SYT9: variants seen among roughly 807,000 people sequenced by gnomAD.
The protein encoded by SYT9 is synaptotagmin-9.
SYT9 carries 22 observed loss-of-function variants against 48.4 expected under a neutral mutation model. That is an observed-to-expected ratio of 0.45 (90% CI 0.32 to 0.65). The LOEUF is 0.65. Ranked by LOEUF, SYT9 falls within the 30% of genes least tolerant of loss-of-function variation. The probability of loss-of-function intolerance (pLI) is 0.03; values close to 1 mark genes in which losing one functional copy is unlikely to be tolerated. For synonymous variants in SYT9, 265 were observed against 245.0 expected (o/e 1.08, Z -0.76); for missense variants, 577 against 622.0 (o/e 0.93, Z 0.77).
chr11:7,304,548 G>A (rs1162370191), intron 2 of SYT9, among the ~76,000 whole-genome samples: 5 of 152,096 alleles, frequency 3.3e-5, no homozygotes, highest in African/African-American at 7.2e-5. Context: ...TATGTTAATC[G>A]AGTTTATCCT....
chr11:7,422,913 T>G (rs1414241300), intron 6 of SYT9, among the ~76,000 whole-genome samples: 3 of 152,218 alleles, frequency 2.0e-5, no homozygotes, highest in Non-Finnish European at 4.4e-5. Flanking sequence ...ACCTGAGAGA[T>G]ATTCCTCAAA....
intron 1 of SYT9, among the ~76,000 whole-genome samples, chr11:7,239,637 C>T (rs1002566329): frequency 6.6e-6 from 1 of 152,072 alleles, no homozygotes; most frequent in African/African-American, 2.4e-5. Context: ...GCAACCAATA[C>T]AGTCTGCTTT....
intron 1 of SYT9, among the ~76,000 whole-genome samples, chr11:7,254,334 G>T (rs1396402817): frequency 6.6e-6 from 1 of 152,158 alleles, no homozygotes; most frequent in Non-Finnish European, 1.5e-5. Flanking sequence ...GGGTTTTCGA[G>T]TGCAAGGTGA....
chr11:7,360,580 G>A (rs141269812), intron 3 of SYT9, among the ~76,000 whole-genome samples: 7,435 of 151,862 alleles, frequency 0.049, 274 homozygotes, highest in Middle Eastern at 0.075. Context: ...CCCTTGTAAG[G>A]TGGATTCCTA....
chr11:7,248,733 A>G (rs1360632592), upstream of SYT9, among the ~76,000 whole-genome samples: 2 of 152,228 alleles, frequency 1.3e-5, no homozygotes, highest in Non-Finnish European at 2.9e-5. Context: ...GATAGAATTA[A>G]TATTGTGAAA....
intron 1 of SYT9, among the ~76,000 whole-genome samples, chr11:7,242,320 C>T (rs1349513274): frequency 6.6e-6 from 1 of 152,096 alleles, no homozygotes; most frequent in African/African-American, 2.4e-5. Flanking sequence ...TGTGCTTTTC[C>T]CTGGACCCAT....
chr11:7,335,624 T>A (rs1291452455), intron 3 of SYT9, among the ~76,000 whole-genome samples: 3 of 152,212 alleles, frequency 2.0e-5, no homozygotes, highest in Non-Finnish European at 4.4e-5. Flanking sequence ...GCTCCATTCA[T>A]GTTCCTCCAG....
At position 7,308,106 on chromosome 11, in the gene SYT9, T is replaced by A. The variant is rs182025115; in HGVS notation, c.497+4716T>A. On this transcript the variant is annotated intron_variant, in intron 2 of 6. Coordinates refer to ENST00000318881, the MANE Select transcript of SYT9 (RefSeq NM_175733.4). Reference sequence around the variant, plus strand: ...TTTCCCCTTCTTCTGTGTCTGCCTGTGGTTCAGGAAAACCTAACTCTCTCT... The same window carrying A: ...TTTCCCCTTCTTCTGTGTCTGCCTGAGGTTCAGGAAAACCTAACTCTCTCT... Among the ~76,000 whole-genome samples the A allele has an allele frequency of 1.8e-4, 27 of 152,362 alleles. No individual in the cohort carries two copies. In the Middle Eastern group the frequency reaches 0.01, roughly 58 times the overall value.
chr11:7,340,818 G>A (rs779505664), intron 3 of SYT9, among the ~76,000 whole-genome samples: 1 of 152,228 alleles, frequency 6.6e-6, no homozygotes, highest in Non-Finnish European at 1.5e-5. Context: ...CCCCAGTGGG[G>A]AATAGTGGAG....
intron 6 of SYT9, among the ~76,000 whole-genome samples, chr11:7,430,162 A>T (rs1348188180): frequency 6.6e-6 from 1 of 152,220 alleles, no homozygotes; most frequent in Non-Finnish European, 1.5e-5. Context: ...ATCTATTTTT[A>T]TGTAAAACTC....
intron 3 of SYT9, among the ~76,000 whole-genome samples, chr11:7,343,937 A>G (rs1420725172): frequency 4.6e-5 from 7 of 152,174 alleles, no homozygotes; most frequent in Non-Finnish European, 1.0e-4. Flanking sequence ...AAAACGTCAT[A>G]TCTCATGAGA....
chr11:7,343,898 G>A (rs1206951964), intron 3 of SYT9, among the ~76,000 whole-genome samples: 5 of 152,178 alleles, frequency 3.3e-5, no homozygotes, highest in Non-Finnish European at 7.3e-5. Context: ...GACAGAATGA[G>A]AGCCAAGCGA....
intron 3 of SYT9, among the ~76,000 whole-genome samples, chr11:7,356,676 A>G (rs764024442): frequency 6.6e-6 from 1 of 152,258 alleles, no homozygotes; most frequent in Non-Finnish European, 1.5e-5. Flanking sequence ...GACAACTGTC[A>G]CATTTTACAG....
chr11:7,448,818 T>C (rs889760751), intron 6 of SYT9, among the ~76,000 whole-genome samples: 2 of 152,120 alleles, frequency 1.3e-5, no homozygotes, highest in African/African-American at 4.8e-5. Context: ...GAACCCCTCT[T>C]TTCAGTCGTG....
intron 1 of SYT9, among the ~76,000 whole-genome samples, chr11:7,245,343 C>A (rs1426806171): frequency 6.6e-6 from 1 of 152,036 alleles, no homozygotes; most frequent in African/African-American, 2.4e-5. Flanking sequence ...TAGTTATAAT[C>A]ATTAATGTAT....
chr11:7,417,175 T>A (rs913852012), intron 4 of SYT9, among the ~76,000 whole-genome samples: 1 of 151,878 alleles, frequency 6.6e-6, no homozygotes, highest in Non-Finnish European at 1.5e-5. Flanking sequence ...TTTGTTTTTT[T>A]AAGCAGAAAG....
At chr11:7,268,269 T>G (rs1848228028) in intron 1 of SYT9, among the ~76,000 whole-genome samples, 1 of 152,004 alleles carries the variant, frequency 6.6e-6, no homozygotes, top group Admixed American at 6.6e-5. Context: ...GAAGTGGAAT[T>G]GCTAGGCTTA....
chr11:7,376,583 A>G (rs909337274), intron 3 of SYT9, among the ~76,000 whole-genome samples: 2 of 152,062 alleles, frequency 1.3e-5, no homozygotes, highest in African/African-American at 4.8e-5. Flanking sequence ...CAGCCAAACC[A>G]TCTCAGCACA....
intron 6 of SYT9, among the ~76,000 whole-genome samples, chr11:7,424,359 C>T (rs994607051): frequency 3.7e-4 from 56 of 152,290 alleles, no homozygotes; most frequent in African/African-American, 1.3e-3. Flanking sequence ...GGAGCACCCC[C>T]TCCATAGGGC....
Sources: allele counts gnomAD v4.1 joint callset (sites outside exome capture counted in the v4.1 genomes callset), GRCh38; gene constraint gnomAD v4.1.1; transcripts MANE v1.5; gene names NCBI Gene and HGNC (gene_info 2026-07-23, HGNC 2026-07-21).